Variants in KCND2 observed in about 807,000 individuals in gnomAD.
The protein encoded by KCND2 is potassium voltage-gated channel subfamily D member 2.
In KCND2, 16 loss-of-function variants were observed where a neutral mutation model predicts 54.4. The observed-to-expected ratio is 0.29, with a 90% confidence interval of 0.20 to 0.45. The LOEUF is 0.45. Among genes scored for constraint, KCND2 ranks in the 20% least tolerant of loss-of-function variants. The pLI is 1.00. For synonymous variants in KCND2, 317 were observed against 310.7 expected, an observed-to-expected ratio of 1.02 and a Z score of -0.21; for missense variants, 486 against 824.2, an observed-to-expected ratio of 0.59 and a Z score of 5.02.
intron 1 of KCND2, among the ~76,000 whole-genome samples, chr7:120,678,163 A>G (rs1020658116): frequency 3.3e-5 from 5 of 151,722 alleles, no homozygotes; most frequent in Admixed American, 2.0e-4. Flanking sequence ...ATTCTTGAAC[A>G]TAAACTCTGA....
chr7:120,373,941 T>C (rs574268288), intron 1 of KCND2, among the ~76,000 whole-genome samples: 1 of 151,804 alleles, frequency 6.6e-6, no homozygotes, highest in South Asian at 2.1e-4. Context: ...ATAGTAATTA[T>C]ATATTCTATC....
intron 1 of KCND2, among the ~76,000 whole-genome samples, chr7:120,540,953 A>G (rs1040143530): frequency 4.7e-4 from 72 of 152,290 alleles, no homozygotes; most frequent in African/African-American, 1.6e-3. Context: ...TTCATTTTTA[A>G]ATGTCTTTTC....
At chr7:120,684,388 A>G (rs1792175949) in intron 1 of KCND2, among the ~76,000 whole-genome samples, 1 of 152,234 alleles carries the variant, frequency 6.6e-6, no homozygotes, top group African/African-American at 2.4e-5. Context: ...CTTCTGGAAT[A>G]TTATAACAAG....
At chr7:120,368,520 T>C (rs1340043329) in intron 1 of KCND2, among the ~76,000 whole-genome samples, 2 of 152,108 alleles carry the variant, frequency 1.3e-5, no homozygotes, top group African/African-American at 4.8e-5. Context: ...AAAGTGACTT[T>C]TCTCTACCAA....
At chr7:120,480,313 G>A (rs73435889) in intron 1 of KCND2, among the ~76,000 whole-genome samples, 1,698 of 151,588 alleles carry the variant, frequency 0.011, 38 homozygotes, top group African/African-American at 0.039. Context: ...ATTATTACAT[G>A]GGGGCAATAG....
At chr7:120,319,672 G>T (rs1302385757) in intron 1 of KCND2, among the ~76,000 whole-genome samples, 2 of 151,962 alleles carry the variant, frequency 1.3e-5, no homozygotes, top group Admixed American at 6.6e-5. Context: ...AAACATTTCG[G>T]AATCATTTCA....
At chr7:120,626,232 G>C (rs552960359) in intron 1 of KCND2, among the ~76,000 whole-genome samples, 88 of 152,190 alleles carry the variant, frequency 5.8e-4, no homozygotes, top group African/African-American at 2.0e-3. Context: ...AGAAGAGTAA[G>C]TTAATGTTCT....
intron 1 of KCND2, among the ~76,000 whole-genome samples, chr7:120,523,740 GTGTGTGTA>G (rs1403863243): frequency 1.2e-3 from 174 of 143,926 alleles, no homozygotes; most frequent in African/African-American, 4.3e-3. Context: ...GTGTGTGTGT[GTGTGTGTA>G]TGTCTTTGGC....
chr7:120,629,467 CAG>C (rs1375910847), intron 1 of KCND2, among the ~76,000 whole-genome samples: 1 of 151,800 alleles, frequency 6.6e-6, no homozygotes, highest in Non-Finnish European at 1.5e-5. Context: ...TCCTGGGCGA[CAG>C]AGCGAGACTC....
At chr7:120,718,193 G>A (rs757637888) in intron 1 of KCND2, among the ~76,000 whole-genome samples, 1 of 152,160 alleles carries the variant, frequency 6.6e-6, no homozygotes, top group Non-Finnish European at 1.5e-5. Flanking sequence ...AATGTTTGAA[G>A]AAATACATTT....
chr7:120,588,898 T>C (rs1792634743), intron 1 of KCND2, among the ~76,000 whole-genome samples: 1 of 152,210 alleles, frequency 6.6e-6, no homozygotes, highest in African/African-American at 2.4e-5. Context: ...AAATGCCTCA[T>C]ATAGCCATGT....
At chr7:120,592,489 G>A (rs1328687880) in intron 1 of KCND2, among the ~76,000 whole-genome samples, 2 of 152,128 alleles carry the variant, frequency 1.3e-5, no homozygotes, top group Non-Finnish European at 2.9e-5. Context: ...CCAAGATCAT[G>A]CCACTGCACT....
intron 1 of KCND2, among the ~76,000 whole-genome samples, chr7:120,479,796 CAAAAAAAA>C (rs771337674): frequency 2.6e-5 from 2 of 75,604 alleles, no homozygotes; most frequent in Non-Finnish European, 2.9e-5. Flanking sequence ...TACACACACA[CAAAAAAAA>C]AAAAAAAAAA....
intron 1 of KCND2, among the ~76,000 whole-genome samples, chr7:120,502,114 G>A (rs1346774334): frequency 6.6e-6 from 1 of 152,042 alleles, no homozygotes; most frequent in East Asian, 1.9e-4. Flanking sequence ...GGTTGGAAAT[G>A]TGGGAAGCCT....
intron 1 of KCND2, among the ~76,000 whole-genome samples, chr7:120,705,117 G>A (rs1792450078): frequency 6.6e-6 from 1 of 152,142 alleles, no homozygotes; most frequent in Admixed American, 6.6e-5. Flanking sequence ...ATTAGGCTAT[G>A]TCTGATATTC....
intron 1 of KCND2, among the ~76,000 whole-genome samples, chr7:120,697,554 A>T (rs1164911569): frequency 6.6e-6 from 1 of 152,218 alleles, no homozygotes; most frequent in African/African-American, 2.4e-5. Context: ...AAATTCATGC[A>T]TGTGATGATA....
intron 1 of KCND2, among the ~76,000 whole-genome samples, chr7:120,524,094 G>A (rs977030007): frequency 2.0e-5 from 3 of 151,886 alleles, no homozygotes; most frequent in African/African-American, 4.8e-5. Context: ...AATTAGTTGG[G>A]CGTGGTGGGA....
chr7:120,668,612 T>C (rs1791955851), intron 1 of KCND2, among the ~76,000 whole-genome samples: 1 of 152,124 alleles, frequency 6.6e-6, no homozygotes, highest in Admixed American at 6.5e-5. Context: ...TCAGGTCTAA[T>C]AAAATTTTAA....
chr7:120,508,891 A>ATTT (rs57245091), intron 1 of KCND2, among the ~76,000 whole-genome samples: 5 of 138,248 alleles, frequency 3.6e-5, no homozygotes, highest in Non-Finnish European at 4.7e-5. Flanking sequence ...GCCTTTCACG[A>ATTT]TTTTTTTTTT....
Sources: gnomAD v4.1 joint callset for allele counts (sites outside exome capture counted in the v4.1 genomes callset) on GRCh38, gnomAD v4.1.1 for gene constraint, MANE v1.5 for transcripts, NCBI Gene and HGNC (gene_info 2026-07-23, HGNC 2026-07-21) for gene names.